SLC4A10: variants seen among roughly 807,000 people sequenced by gnomAD.
SLC4A10 encodes the protein sodium-driven chloride bicarbonate exchanger.
Under a neutral mutation model 137.7 loss-of-function variants are expected in SLC4A10, and 42 were observed. The observed-to-expected ratio is 0.30, with a 90% CI of 0.24 to 0.39. SLC4A10 has a LOEUF of 0.39. SLC4A10 is among the 10% of genes least tolerant of loss of function. SLC4A10 has a pLI of 1.00. For missense variants in SLC4A10, 925 were observed against 1,355.0 expected (o/e 0.68, Z 4.98); for synonymous variants, 474 against 464.1 (o/e 1.02, Z -0.27).
At chr2:161,630,425 T>A (rs1222990442) in intron 1 of SLC4A10, among the ~76,000 whole-genome samples, 1 of 151,668 alleles carries the variant, frequency 6.6e-6, no homozygotes, top group East Asian at 1.9e-4. Context: ...CACCCCATTA[T>A]TTTTAATAGA....
At chr2:161,673,787 C>T (rs1460058607) in intron 1 of SLC4A10, among the ~76,000 whole-genome samples, 1 of 152,040 alleles carries the variant, frequency 6.6e-6, no homozygotes, top group Non-Finnish European at 1.5e-5. Context: ...GTCAGGAGTT[C>T]AAGACCAGCC....
chr2:161,870,511 A>G (rs1463524167), intron 6 of SLC4A10, among the ~76,000 whole-genome samples: 1 of 151,818 alleles, frequency 6.6e-6, no homozygotes. Flanking sequence ...TCACCACTCA[A>G]TTTTACAGAA....
intron 1 of SLC4A10, among the ~76,000 whole-genome samples, chr2:161,642,629 G>A (rs1489576395): frequency 6.6e-6 from 1 of 151,970 alleles, no homozygotes; most frequent in Non-Finnish European, 1.5e-5. Context: ...TTCTGTTAAT[G>A]TCTTAGTGAG....
intron 2 of SLC4A10, among the ~76,000 whole-genome samples, chr2:161,779,496 C>T (rs2052758155): frequency 6.6e-6 from 1 of 151,994 alleles, no homozygotes; most frequent in South Asian, 2.1e-4. Context: ...CAGTGCATTC[C>T]TGAGCTCTTA....
intron 15 of SLC4A10, among the ~76,000 whole-genome samples, chr2:161,916,207 G>A (rs1044812206): frequency 1.3e-5 from 2 of 152,140 alleles, no homozygotes; most frequent in African/African-American, 4.8e-5. Flanking sequence ...TTGTATTTTA[G>A]TCCATTTATG....
intron 23 of SLC4A10, among the ~76,000 whole-genome samples, chr2:161,973,098 T>C (rs1698832069): frequency 6.6e-6 from 1 of 152,162 alleles, no homozygotes; most frequent in Admixed American, 6.5e-5. Context: ...AGCTTAGCCC[T>C]GCTAAGCTAC....
chr2:161,943,020 T>C (rs1043091851), intron 16 of SLC4A10, 123 bp downstream of exon 16: 34 of 674,282 alleles, frequency 5.0e-5, no homozygotes, highest in Non-Finnish European at 8.6e-5. Context: ...TGTGTTTTAA[T>C]TTTAATTTCA....
chr2:161,736,950 T>C (rs184003253), intron 1 of SLC4A10, among the ~76,000 whole-genome samples: 10 of 152,236 alleles, frequency 6.6e-5, no homozygotes, highest in Non-Finnish European at 1.2e-4. Flanking sequence ...AGCCTTGACC[T>C]CATGGGCTCA....
chr2:161,639,514 A>C (rs1485507534), intron 1 of SLC4A10, among the ~76,000 whole-genome samples: 1 of 152,148 alleles, frequency 6.6e-6, no homozygotes, highest in Non-Finnish European at 1.5e-5. Context: ...CAGAAAGAAG[A>C]ACAGAAACCA....
intron 15 of SLC4A10, among the ~76,000 whole-genome samples, chr2:161,922,230 A>G (rs747127774): frequency 1.3e-4 from 20 of 152,164 alleles, no homozygotes; most frequent in Non-Finnish European, 2.8e-4. Context: ...TTAAGAATTT[A>G]ATGGAGAGAG....
chr2:161,768,217 G>T (rs1324924502), intron 1 of SLC4A10, among the ~76,000 whole-genome samples: 2 of 151,974 alleles, frequency 1.3e-5, no homozygotes, highest in African/African-American at 4.8e-5. Flanking sequence ...GATGTGTTCA[G>T]AAACCCACTG....
At chr2:161,699,108 G>A (rs1054916272) in intron 1 of SLC4A10, among the ~76,000 whole-genome samples, 10 of 152,070 alleles carry the variant, frequency 6.6e-5, no homozygotes, top group African/African-American at 1.2e-4. Context: ...CAAGCTACGC[G>A]TCCTGGGTTC....
chr2:161,729,092 C>T lies in SLC4A10; in HGVS notation c.49-41881C>T, dbSNP rs188062115. 3.7e-4 allele frequency among the ~76,000 whole-genome samples: 57 copies of T among 152,182 alleles called. 1 individual carries two copies. The East Asian group carries it at 9.6e-3, about 26-fold the overall frequency. On this transcript the variant is annotated intron_variant, in intron 1 of 26. Transcript: ENST00000446997. ...CTCAAAACCTACAGTTAATGTAACA[C>T]TTAATGGTGAAAGACTAAATGCTTT...
At chr2:161,696,015 A>G (rs527974633) in intron 1 of SLC4A10, among the ~76,000 whole-genome samples, 1 of 151,772 alleles carries the variant, frequency 6.6e-6, no homozygotes, top group South Asian at 2.1e-4. Flanking sequence ...TGCACCCATT[A>G]ACTCATCATT....
chr2:161,646,005 C>A (rs1305440786), intron 1 of SLC4A10, among the ~76,000 whole-genome samples: 10 of 151,944 alleles, frequency 6.6e-5, no homozygotes, highest in African/African-American at 9.7e-5. Context: ...TGAATGAAAT[C>A]ATATTTTTAA....
chr2:161,773,676 T>C (rs2051952309), intron 2 of SLC4A10, among the ~76,000 whole-genome samples: 2 of 151,784 alleles, frequency 1.3e-5, no homozygotes, highest in Non-Finnish European at 2.9e-5. Flanking sequence ...AAGTCTCAGG[T>C]GCAATATATT....
intron 2 of SLC4A10, among the ~76,000 whole-genome samples, chr2:161,771,436 A>G (rs2051600449): frequency 1.3e-5 from 2 of 151,794 alleles, no homozygotes; most frequent in South Asian, 2.1e-4. Flanking sequence ...AACTCAGCCT[A>G]TGTTGTCAGA....
intron 10 of SLC4A10, among the ~76,000 whole-genome samples, chr2:161,887,964 C>T (rs931285729): frequency 1.3e-5 from 2 of 152,106 alleles, no homozygotes; most frequent in African/African-American, 4.8e-5. Context: ...TTTAATCCAT[C>T]TTGAATTAAT....
chr2:161,693,914 A>G (rs1263271084), intron 1 of SLC4A10, among the ~76,000 whole-genome samples: 2 of 151,934 alleles, frequency 1.3e-5, no homozygotes, highest in Non-Finnish European at 2.9e-5. Flanking sequence ...GCCATTATGA[A>G]TAATGCTGTA....
Sources: gnomAD v4.1 joint callset for allele counts (sites outside exome capture counted in the v4.1 genomes callset) on GRCh38, gnomAD v4.1.1 for gene constraint, MANE v1.5 for transcripts, NCBI Gene and HGNC (gene_info 2026-07-23, HGNC 2026-07-21) for gene names.